CUX1: variants seen among roughly 807,000 people sequenced by gnomAD.
CUX1 encodes cut like homeobox 1.
In CUX1, 31 loss-of-function variants were observed where a neutral mutation model predicts 158.8. The observed-to-expected ratio is 0.20, with a 90% CI of 0.15 to 0.26. The LOEUF (loss-of-function observed/expected upper bound fraction) is 0.26, where lower values mean the gene tolerates loss of function less well. CUX1 is among the 10% of genes least tolerant of loss of function. The probability of loss-of-function intolerance (pLI) is 1.00; values close to 1 mark genes in which losing one functional copy is unlikely to be tolerated. For synonymous variants in CUX1, 879 were observed against 862.1 expected (o/e 1.02, Z -0.34); for missense variants, 1,589 against 2,014.6 (o/e 0.79, Z 4.04).
At chr7:102,063,546 A>G (rs1313570219) in intron 3 of CUX1, among the ~76,000 whole-genome samples, 5 of 151,350 alleles carry the variant, frequency 3.3e-5, no homozygotes, top group Non-Finnish European at 2.9e-5. Flanking sequence ...CTGCCACCAC[A>G]CCCAGCTAAT....
rs142347585 is a variant in CUX1, at chr7:102,196,877, T to C, written c.1466T>C (p.Met489Thr). 9.3e-6 allele frequency: 15 copies of C among 1,614,224 alleles called. No individual in the cohort carries two copies. The highest frequency in any genetic ancestry group is 1.2e-5 in the Non-Finnish European group (14 of 1,180,040). Reference protein sequence around the residue: ...ALNSLLQRQLMQSFYSKAMQE... With the variant: ...ALNSLLQRQLTQSFYSKAMQE... ...AACTCTCTTCTCCAGCGGCAGCTAA[T>C]GCAGTCCTTCTACTCCAAGGCTATG... Residue 489 changes from methionine to threonine, a missense_variant, in exon 15 of 24, where the codon ATG (methionine) becomes ACG (threonine). Met to Thr is a moderately conservative substitution (Grantham distance 81). Transcript: ENST00000292535.
intron 22 of CUX1, among the ~76,000 whole-genome samples, chr7:102,234,469 C>T (rs567012336): frequency 3.2e-4 from 48 of 152,066 alleles, no homozygotes; most frequent in Non-Finnish European, 5.0e-4. Flanking sequence ...TTTTTTAGCA[C>T]TGGGAGCACT....
At position 102,187,106 on chromosome 7, in the gene CUX1, G is replaced by A. The variant is rs141890734; in HGVS notation, c.1018-2707G>A. ...GTTATGCGGTGCATGATTATACATGGATTCCACTCCTAAAACCTTCCAATT... is the reference window on the plus strand; with the variant it reads ...GTTATGCGGTGCATGATTATACATGAATTCCACTCCTAAAACCTTCCAATT... On this transcript the variant is annotated intron_variant, in intron 11 of 23. Transcript: ENST00000292535. The A allele has an allele frequency of 3.9e-5, 6 of 152,152 alleles. No individual in the cohort carries two copies. In the East Asian group the frequency reaches 7.7e-4, roughly 20 times the overall value. The allele number at this position is 152,152 out of a possible 1,614,324, so 9.4% of individuals were successfully genotyped here.
At chr7:101,970,636 A>G (rs1051406678) in intron 2 of CUX1, among the ~76,000 whole-genome samples, 2 of 152,004 alleles carry the variant, frequency 1.3e-5, no homozygotes, top group African/African-American at 4.8e-5. Context: ...GCTCACTGCA[A>G]CCTTGGCCTC....
At chr7:102,202,434 A>G (rs1787572976) in intron 18 of CUX1, among the ~76,000 whole-genome samples, 1 of 152,162 alleles carries the variant, frequency 6.6e-6, no homozygotes, top group South Asian at 2.1e-4. Flanking sequence ...TTTCACCTGC[A>G]TGCTGCCCTT....
chr7:102,249,250 C>G lies in CUX1; in HGVS notation c.*208C>G. 9.3e-7 allele frequency: 1 copy of G among 1,078,890 alleles called. No homozygotes were observed. Among genetic ancestry groups the G allele is most frequent in the Admixed American group, 5.3e-5 (1 of 18,812 alleles). The allele number at this position is 1,078,890 out of a possible 1,614,324, so 66.8% of individuals were successfully genotyped here. A position where few individuals can be genotyped will look rare whatever the true frequency, so the allele number is the denominator to read the frequency against. On this transcript the variant is annotated 3_prime_UTR_variant, in exon 24 of 24. Transcript: ENST00000292535. ...CCAGATCCAAGGCCGCGGCCCAGAC[C>G]CACTCTGCGGCCCGGGCCGACCCTG... is the stretch of plus-strand genomic sequence containing the variant.
intron 3 of CUX1, among the ~76,000 whole-genome samples, chr7:102,029,638 A>C (rs1820473623): frequency 6.6e-6 from 1 of 152,226 alleles, no homozygotes; most frequent in African/African-American, 2.4e-5. Flanking sequence ...GATGGCTGGA[A>C]ATTTTCGAGG....
At chr7:102,017,731 C>G (rs1380803994) in intron 2 of CUX1, among the ~76,000 whole-genome samples, 1 of 151,892 alleles carries the variant, frequency 6.6e-6, no homozygotes, top group Non-Finnish European at 1.5e-5. Context: ...CCTGTAATCC[C>G]AGCTACTCAG....
Position 102,256,907 on chromosome 7 carries a change from ATCT to A in CUX1, c.*7867_*7869del, listed in dbSNP as rs1314216583. On this transcript the variant is annotated 3_prime_UTR_variant, in exon 24 of 24. Transcript: ENST00000292535. ...CTTGCGTACAAAGTTGGTCAAAACC[ATCT>A]TTCAAAGCAACAGTGTTTTGTAGTA... The A allele has an allele frequency of 3.0e-6, 3 of 985,382 alleles. No individual in the cohort carries two copies. Among genetic ancestry groups the A allele is most frequent in the Non-Finnish European group, 3.6e-6 (3 of 829,970 alleles). The allele number at this position is 985,382 out of a possible 1,614,324, so 61.0% of individuals were successfully genotyped here. A position where few individuals can be genotyped will look rare whatever the true frequency, so the allele number is the denominator to read the frequency against.
At chr7:102,035,180 CAAAAA>C (rs1227724178) in intron 3 of CUX1, among the ~76,000 whole-genome samples, 40 of 151,416 alleles carry the variant, frequency 2.6e-4, no homozygotes, top group African/African-American at 9.7e-4. Context: ...GCAGAGAAGA[CAAAAA>C]GAAATAAAGT....
chr7:102,051,130 T>C (rs1585424930), intron 3 of CUX1, among the ~76,000 whole-genome samples: 1 of 152,054 alleles, frequency 6.6e-6, no homozygotes, highest in East Asian at 1.9e-4. Flanking sequence ...GTATCCCCAG[T>C]CACCTCCTCT....
intron 6 of CUX1, 60 bp from the exon 7 acceptor site, chr7:102,111,638 C>T (rs1383966924): frequency 4.7e-6 from 7 of 1,493,598 alleles, no homozygotes; most frequent in Non-Finnish European, 5.6e-6. Flanking sequence ...CCGAAAGGCA[C>T]ACGTGCATTT....
At chr7:102,029,000 T>TTG (rs1820393373) in intron 3 of CUX1, among the ~76,000 whole-genome samples, 1 of 149,358 alleles carries the variant, frequency 6.7e-6, no homozygotes, top group South Asian at 2.2e-4. Flanking sequence ...TTTTTTTTTT[T>TTG]TTTTTTTTTG....
At chr7:101,969,443 G>A (rs1811666085) in intron 2 of CUX1, among the ~76,000 whole-genome samples, 2 of 150,254 alleles carry the variant, frequency 1.3e-5, no homozygotes, top group South Asian at 4.2e-4. Flanking sequence ...GATTAGGAAG[G>A]TCTGACCCTG....
In CUX1 at chr7:101,820,283, G is replaced by A. The variant is rs371424190; in HGVS notation, c.30+2614G>A. Among the ~76,000 whole-genome samples the A allele has an allele frequency of 6.6e-5, 10 of 152,258 alleles. No individual in the cohort carries two copies. In the East Asian group the frequency reaches 1.7e-3, roughly 26 times the overall value. ...AATGAAGGAAGGACACGTTTGTTAGGGGAAAACTCATACATTTCGTAAGCA... is the reference window on the plus strand; with the variant it reads ...AATGAAGGAAGGACACGTTTGTTAGAGGAAAACTCATACATTTCGTAAGCA... On this transcript the variant is annotated intron_variant, in intron 1 of 23. Coordinates refer to ENST00000292535, the MANE Select transcript of CUX1 (RefSeq NM_181552.4).
chr7:102,219,566 C>A (rs1263483790), intron 20 of CUX1, among the ~76,000 whole-genome samples: 1 of 152,204 alleles, frequency 6.6e-6, no homozygotes, highest in African/African-American at 2.4e-5. Flanking sequence ...TCGCGTCGGC[C>A]CCCCGCTGGC....
At chr7:102,135,526 A>G (rs1352013653) in intron 8 of CUX1, among the ~76,000 whole-genome samples, 5 of 151,702 alleles carry the variant, frequency 3.3e-5, no homozygotes, top group Admixed American at 3.3e-4. Flanking sequence ...GTGGAACCAT[A>G]TTGTTCAGAC....
At chr7:102,007,833 C>T (rs544865141) in intron 2 of CUX1, among the ~76,000 whole-genome samples, 1 of 151,940 alleles carries the variant, frequency 6.6e-6, no homozygotes, top group Non-Finnish European at 1.5e-5. Context: ...CAACCTCCGC[C>T]TCCTGGGTTC....
At chr7:101,836,937 A>T (rs1480466128) in intron 1 of CUX1, among the ~76,000 whole-genome samples, 1 of 152,128 alleles carries the variant, frequency 6.6e-6, no homozygotes, top group Non-Finnish European at 1.5e-5. Flanking sequence ...GATGGCTCTG[A>T]GTGAGTCAGT....
Sources: gnomAD v4.1 joint callset for allele counts (sites outside exome capture counted in the v4.1 genomes callset) on GRCh38, gnomAD v4.1.1 for gene constraint, MANE v1.5 for transcripts, NCBI Gene and HGNC (gene_info 2026-07-23, HGNC 2026-07-21) for gene names.